PIEZO2: variants seen among roughly 807,000 people sequenced by gnomAD.
PIEZO2 encodes piezo type mechanosensitive ion channel component 2.
PIEZO2 carries 172 observed loss-of-function variants against 337.3 expected under a neutral mutation model. The observed-to-expected ratio is 0.51, with a 90% CI of 0.45 to 0.58. The LOEUF (loss-of-function observed/expected upper bound fraction) is 0.58. Among genes scored for constraint, PIEZO2 ranks in the 20% least tolerant of loss-of-function variants. The probability of loss-of-function intolerance (pLI) is 0.00; values close to 1 mark genes in which losing one functional copy is unlikely to be tolerated. For missense variants in PIEZO2, 3,028 were observed against 3,391.3 expected, an observed-to-expected ratio of 0.89 and a Z score of 2.66; for synonymous variants, 1,251 against 1,228.5, an observed-to-expected ratio of 1.02 and a Z score of -0.38.
chr18:10,998,357 T>TACACAC (rs10564435), intron 2 of PIEZO2, among the ~76,000 whole-genome samples: 2 of 149,876 alleles, frequency 1.3e-5, no homozygotes, highest in South Asian at 2.1e-4. Context: ...CACATACACA[T>TACACAC]ACACACACAC....
intron 9 of PIEZO2, among the ~76,000 whole-genome samples, chr18:10,802,735 C>T (rs779769371): frequency 2.8e-4 from 43 of 152,020 alleles, no homozygotes; most frequent in East Asian, 7.7e-4. Flanking sequence ...TTTGGAAGAC[C>T]GAGGCAGGCG....
At chr18:11,086,847 GT>G (rs1481972914) in intron 1 of PIEZO2, among the ~76,000 whole-genome samples, 1 of 151,926 alleles carries the variant, frequency 6.6e-6, no homozygotes, top group Admixed American at 6.6e-5. Flanking sequence ...AACCTCCAAG[GT>G]TTTTTTCCGC....
chr18:11,012,523 T>C lies in PIEZO2; in HGVS notation c.161-32863A>G, dbSNP rs1406157444. Among the ~76,000 whole-genome samples, 5 of 152,346 alleles carry C rather than the reference T, an allele frequency of 3.3e-5. No homozygotes were observed. The South Asian group carries it at 1.0e-3, about 32-fold the overall frequency. On this transcript the variant is annotated intron_variant, in intron 2 of 55. Transcript: ENST00000674853. The stretch of plus-strand genomic sequence containing the variant: ...GATGTAAACACCTCTTTGGACAATT[T>C]AAATGTAAATGTCTGGTTTTCACTG...
rs1463390627 is a variant in PIEZO2 at position 11,032,914 on chromosome 18, A to T, written c.160+33213T>A. Among the ~76,000 whole-genome samples, 2 of 152,168 alleles carry T rather than the reference A, an allele frequency of 1.3e-5. No homozygotes were observed. Among genetic ancestry groups the T allele is most frequent in the Non-Finnish European group, 2.9e-5 (2 of 68,030 alleles). ...TAGCTCAGAAGACAGAGAGGAGAAC[A>T]TTGCTGAGGCCCTTCTAGCCATGGA... On this transcript the variant is annotated intron_variant, in intron 2 of 55. Coordinates refer to ENST00000674853, the MANE Select transcript of PIEZO2 (RefSeq NM_001378183.1). This position sits in a 1 kb window ranked among gnomAD's most constrained non-coding sequence, Gnocchi z 4.9.
At chr18:10,836,046 C>T (rs918975799) in intron 7 of PIEZO2, among the ~76,000 whole-genome samples, 18 of 152,054 alleles carry the variant, frequency 1.2e-4, no homozygotes, top group African/African-American at 4.3e-4. Context: ...GCTTTTTTTC[C>T]TTCCTGTGAC....
At chr18:10,971,616 A>G (rs2034241213) in intron 3 of PIEZO2, among the ~76,000 whole-genome samples, 1 of 152,152 alleles carries the variant, frequency 6.6e-6, no homozygotes, top group Non-Finnish European at 1.5e-5. Flanking sequence ...AGATATTCCT[A>G]AAGGCCAATA....
At chr18:10,808,723 T>C (rs1048158781) in intron 7 of PIEZO2, among the ~76,000 whole-genome samples, 6 of 152,238 alleles carry the variant, frequency 3.9e-5, no homozygotes, top group African/African-American at 1.4e-4. Context: ...AAAAAAGTTA[T>C]GCCCCACTTA....
Position 10,828,864 on chromosome 18 carries a change from T to C in PIEZO2, c.918-21590A>G, listed in dbSNP as rs556261961. ...TTGATGATTGCATGAGTTCAATGTA[T>C]GCTGAGATTAACAACAGAGACAGTT... On this transcript the variant is annotated intron_variant, in intron 7 of 55. Transcript: ENST00000674853. This position sits in a 1 kb window ranked among gnomAD's most constrained non-coding sequence, Gnocchi z 4.1. Among the ~76,000 whole-genome samples, 1 of 152,182 alleles carries C rather than the reference T, an allele frequency of 6.6e-6. No homozygotes were observed. The highest frequency in any genetic ancestry group is 1.5e-5 in the Non-Finnish European group (1 of 68,006).
chr18:10,696,214 G>A lies in PIEZO2; in HGVS notation c.7050C>T (p.Val2350=), dbSNP rs189740263. 1.9e-6 allele frequency: 3 copies of A among 1,614,004 alleles called. No individual in the cohort carries two copies. In the East Asian group the frequency reaches 6.7e-5, roughly 36 times the overall value. Residue 2350 remains valine, a synonymous_variant, in exon 47 of 56, where the codon GTC becomes GTT. Coordinates refer to ENST00000674853, the MANE Select transcript of PIEZO2 (RefSeq NM_001378183.1). The stretch of plus-strand genomic sequence containing the variant: ...CCACCATGGTTCCAAACTGAATGAG[G>A]ACCATCACCAAAAACGGCCCCGGGA... ...DQVPGPFLVM[V]LIQFGTMVVD...
At chr18:10,774,988 G>A (rs1205836462) in intron 18 of PIEZO2, among the ~76,000 whole-genome samples, 4 of 152,154 alleles carry the variant, frequency 2.6e-5, no homozygotes, top group Admixed American at 2.6e-4. Context: ...TTTGATATTT[G>A]TAAACATGCC....
intron 39 of PIEZO2, among the ~76,000 whole-genome samples, chr18:10,710,184 A>G (rs1428287630): frequency 1.3e-5 from 2 of 152,230 alleles, no homozygotes; most frequent in Non-Finnish European, 2.9e-5. Flanking sequence ...TTCTAATTCA[A>G]AAGCCCTGTT....
intron 32 of PIEZO2, among the ~76,000 whole-genome samples, chr18:10,742,176 C>A (rs924215283): frequency 6.6e-6 from 1 of 152,030 alleles, no homozygotes; most frequent in African/African-American, 2.4e-5. Context: ...AAAACAAAAC[C>A]AAAAAAGAAA....
In PIEZO2 at chr18:11,128,332, C is replaced by A. The variant is rs1431495435; in HGVS notation, c.64+20193G>T. Among the ~76,000 whole-genome samples the A allele has an allele frequency of 6.6e-6, 1 of 152,186 alleles. No homozygotes were observed. The highest frequency in any genetic ancestry group is 1.5e-5 in the Non-Finnish European group (1 of 68,040). Reference sequence around the variant, plus strand: ...AGCTGAAATTGTGGAAAAACAGACACAAGCTCTTATCATGAGAGTGGCTGA... The same window carrying A: ...AGCTGAAATTGTGGAAAAACAGACAAAAGCTCTTATCATGAGAGTGGCTGA... On this transcript the variant is annotated intron_variant, in intron 1 of 55. Coordinates refer to ENST00000674853, the MANE Select transcript of PIEZO2 (RefSeq NM_001378183.1). The surrounding 1 kb of genome is among the most constrained non-coding windows in gnomAD (Gnocchi z 4.1).
chr18:10,764,296 G>A (rs1165318825), intron 21 of PIEZO2, among the ~76,000 whole-genome samples: 1 of 152,008 alleles, frequency 6.6e-6, no homozygotes, highest in Non-Finnish European at 1.5e-5. Context: ...AGCATTGTGG[G>A]CTAAGCATTG....
In PIEZO2 at chr18:11,021,459, C is replaced by T. The variant is rs146073177; in HGVS notation, c.161-41799G>A. Among the ~76,000 whole-genome samples, 4 of 152,202 alleles carry T rather than the reference C, an allele frequency of 2.6e-5. No homozygotes were observed. The highest frequency in any genetic ancestry group is 2.9e-5 in the Non-Finnish European group (2 of 68,044). ...TCTCTCCTCCTCCCCACTGCAAGGG[C>T]TCCATGAATGCTTTCTTGGTGGTAA... On this transcript the variant is annotated intron_variant, in intron 2 of 55. Coordinates refer to ENST00000674853, the MANE Select transcript of PIEZO2 (RefSeq NM_001378183.1). The surrounding 1 kb of genome is among the most constrained non-coding windows in gnomAD (Gnocchi z 4.7).
chr18:10,963,450 A>G, intron 3 of PIEZO2, among the ~76,000 whole-genome samples: 1 of 152,238 alleles, frequency 6.6e-6, no homozygotes, highest in Non-Finnish European at 1.5e-5. Context: ...ATTTAAGGTC[A>G]AGACATTGAA....
Position 10,717,181 on chromosome 18 carries a change from A to G in PIEZO2, c.5089+1019T>C, listed in dbSNP as rs17455590. On this transcript the variant is annotated intron_variant, in intron 37 of 55. Transcript: ENST00000674853. ...CAGTTCCCTGTTTTGAGAGAGTTAAACAAGTTAATATACTCCAAACTCTCG... is the reference window on the plus strand; with the variant it reads ...CAGTTCCCTGTTTTGAGAGAGTTAAGCAAGTTAATATACTCCAAACTCTCG... 1.8e-3 allele frequency among the ~76,000 whole-genome samples: 278 copies of G among 152,348 alleles called. 1 individual carries two copies. Among genetic ancestry groups the G allele is most frequent in the Non-Finnish European group, 3.2e-3 (217 of 68,032 alleles).
At chr18:10,796,169 C>T (rs540825176) in intron 12 of PIEZO2, among the ~76,000 whole-genome samples, 29 of 152,000 alleles carry the variant, frequency 1.9e-4, no homozygotes, top group African/African-American at 6.0e-4. Context: ...TCGAGACCAT[C>T]CTGGCTAACA....
intron 2 of PIEZO2, among the ~76,000 whole-genome samples, chr18:11,024,092 C>T (rs540822496): frequency 2.0e-5 from 3 of 152,324 alleles, no homozygotes; most frequent in African/African-American, 7.2e-5. Flanking sequence ...AAAGGGGCTC[C>T]CACAGTGCAG....
Sources: allele counts gnomAD v4.1 joint callset (sites outside exome capture counted in the v4.1 genomes callset), GRCh38; gene constraint gnomAD v4.1.1; non-coding constraint Gnocchi (gnomAD v3.1); transcripts MANE v1.5; gene names NCBI Gene and HGNC (gene_info 2026-07-23, HGNC 2026-07-21).